Variants in INSR observed in about 807,000 individuals in gnomAD.
The protein encoded by INSR is insulin receptor, also known as IR.
A neutral mutation model predicts 142.6 loss-of-function variants in INSR; 67 were observed. The ratio of observed to expected loss-of-function variants is 0.47; its 90% CI spans 0.39 to 0.58. The LOEUF (loss-of-function observed/expected upper bound fraction) is 0.58, where lower values mean the gene tolerates loss of function less well. Among genes scored for constraint, INSR ranks in the 20% least tolerant of loss-of-function variants. The pLI, the probability that INSR is intolerant of heterozygous loss-of-function variation, is 0.00. For synonymous variants in INSR, 756 were observed against 743.1 expected (o/e 1.02, Z -0.28); for missense variants, 1,248 against 1,833.2 (o/e 0.68, Z 5.83).
chr19:7,271,531 T>G (rs1967926512), intron 1 of INSR, among the ~76,000 whole-genome samples: 1 of 151,894 alleles, frequency 6.6e-6, no homozygotes, highest in Non-Finnish European at 1.5e-5. Context: ...TGGTATCCTT[T>G]TGCATTCCTG....
intron 17 of INSR, chr19:7,123,238 G>A (rs1972539688): frequency 1.1e-5 from 5 of 473,038 alleles, no homozygotes; most frequent in Admixed American, 3.4e-5. Flanking sequence ...GCGTGATCTC[G>A]GCTCACTGCA....
chr19:7,158,425 C>T (rs529455080), intron 9 of INSR, among the ~76,000 whole-genome samples: 81 of 152,156 alleles, frequency 5.3e-4, no homozygotes, highest in African/African-American at 1.7e-3. Flanking sequence ...GGCGTGAACC[C>T]GGGAGGCGGA....
chr19:7,142,769 C>T (rs1349525140), intron 12 of INSR, 47 bp downstream of exon 12: 1 of 1,609,206 alleles, frequency 6.2e-7, no homozygotes, highest in Non-Finnish European at 8.5e-7. Context: ...CTTGGTCAGC[C>T]TTGATGTCCC....
intron 2 of INSR, among the ~76,000 whole-genome samples, chr19:7,241,109 T>A (rs1741947818): frequency 6.6e-6 from 1 of 151,968 alleles, no homozygotes; most frequent in Non-Finnish European, 1.5e-5. Flanking sequence ...CAAGGGAAGA[T>A]GACAAAGAGA....
chr19:7,153,442 ACAC>A (rs1480650804), intron 9 of INSR, among the ~76,000 whole-genome samples: 6 of 135,822 alleles, frequency 4.4e-5, no homozygotes, highest in African/African-American at 1.4e-4. Flanking sequence ...CAAATCACAC[ACAC>A]CACCACACCC....
Position 7,142,861 on chromosome 19 carries a change from G to A in INSR, c.2497C>T (p.Arg833Trp), listed in dbSNP as rs748957634. 29 of 1,613,988 alleles carry A rather than the reference G, an allele frequency of 1.8e-5. No homozygotes were observed. Among genetic ancestry groups the A allele is most frequent in the Non-Finnish European group, 2.3e-5 (27 of 1,180,042 alleles). Residue 833 changes from arginine to tryptophan, a missense_variant, in exon 12 of 22, where the codon CGG becomes TGG. This residue lies in a region of INSR where 1,069 missense variants were observed against 1,654.0 expected (regional missense o/e 0.65). Coordinates refer to ENST00000302850, the MANE Select transcript of INSR (RefSeq NM_000208.4). ...CTGACGTAGGCTGCCACACTGCACC[G>A]TTCCTCAGGGGTGTCCTGGTTGCAA... ...QACNQDTPEERCSVAAYVSAR... is the reference protein window; with the variant it reads ...QACNQDTPEEWCSVAAYVSAR...
intron 1 of INSR, among the ~76,000 whole-genome samples, chr19:7,277,060 T>A (rs1229927467): frequency 6.6e-6 from 1 of 152,050 alleles, no homozygotes; most frequent in Non-Finnish European, 1.5e-5. Flanking sequence ...GACAACAGCA[T>A]AATGAAACCT....
At chr19:7,250,899 AC>A (rs1976707579) in intron 2 of INSR, among the ~76,000 whole-genome samples, 1 of 151,982 alleles carries the variant, frequency 6.6e-6, no homozygotes, top group Non-Finnish European at 1.5e-5. Flanking sequence ...CCAGGAACGT[AC>A]GATCAGCAAC....
At chr19:7,152,988 CACACA>C in intron 9 of INSR, 61 bp from the exon 10 acceptor site, 1 of 862,198 alleles carries the variant, frequency 1.2e-6, no homozygotes, top group Non-Finnish European at 1.8e-6. Flanking sequence ...CATACACACA[CACACA>C]CACCCCACAC....
rs57665258 is a variant in INSR at position 7,136,828 on chromosome 19, C to CATATATATAT, written c.2683-4521_2683-4512dup. Among the ~76,000 whole-genome samples, 699 of 139,788 alleles carry CATATATATAT rather than the reference C, an allele frequency of 5.0e-3. 33 individuals carry two copies. Among genetic ancestry groups the CATATATATAT allele is most frequent in the African/African-American group, 0.019 (650 of 34,568 alleles). The allele number at this position is 139,788 out of a possible 152,430, so 91.7% of individuals were successfully genotyped here. On this transcript the variant is annotated intron_variant, in intron 13 of 21. Coordinates refer to ENST00000302850, the MANE Select transcript of INSR (RefSeq NM_000208.4). ...ATGTAAAACTTTATTTATTTATTTA[C>CATATATATAT]ATATATATATATATATATATTGAGA...
At chr19:7,190,529 G>A (rs1974553032) in intron 2 of INSR, among the ~76,000 whole-genome samples, 1 of 151,954 alleles carries the variant, frequency 6.6e-6, no homozygotes, top group Non-Finnish European at 1.5e-5. Flanking sequence ...CCGTCATCAC[G>A]CCCAGCTAAT....
Position 7,216,258 on chromosome 19 carries a change from A to T in INSR, c.653-31621T>A, listed in dbSNP as rs1444032916. Among the ~76,000 whole-genome samples, 1 of 152,222 alleles carries T rather than the reference A, an allele frequency of 6.6e-6. No individual in the cohort carries two copies. Among genetic ancestry groups the T allele is most frequent in the African/African-American group, 2.4e-5 (1 of 41,462 alleles). ...AGAATTGCTTAAACCCAGGAGGCAG[A>T]GGTTGCAGTGAGCTGAGATCGTGCC... On this transcript the variant is annotated intron_variant, in intron 2 of 21. Transcript: ENST00000302850. The surrounding 1 kb of genome is among the most constrained non-coding windows in gnomAD (Gnocchi z 4.2).
At chr19:7,213,880 G>A (rs1486476079) in intron 2 of INSR, among the ~76,000 whole-genome samples, 1 of 151,800 alleles carries the variant, frequency 6.6e-6, no homozygotes, top group Non-Finnish European at 1.5e-5. Context: ...TCTCAGCTAC[G>A]CGGGAGGGCT....
intron 2 of INSR, among the ~76,000 whole-genome samples, chr19:7,254,028 C>CAAAAAAAA (rs59085878): frequency 8.0e-6 from 1 of 125,174 alleles, no homozygotes; most frequent in African/African-American, 3.1e-5. Context: ...AACTCCATCT[C>CAAAAAAAA]AAAAAAAAAA....
Position 7,128,934 on chromosome 19 carries a change from C to T in INSR, c.2863G>A (p.Ala955Thr), listed in dbSNP as rs1165168818. 6 of 1,612,798 alleles carry T rather than the reference C, an allele frequency of 3.7e-6. No individual in the cohort carries two copies. Among genetic ancestry groups the T allele is most frequent in the South Asian group, 1.1e-5 (1 of 91,054 alleles). Residue 955 changes from alanine to threonine, a missense_variant, in exon 15 of 22, where the codon GCA (alanine) becomes ACA (threonine). Coordinates refer to ENST00000302850, the MANE Select transcript of INSR (RefSeq NM_000208.4). ...ATGAGGGGGCCGATGATAATTTTTGCAATATTTGACGGGACGTCTACTGAA... is the reference window on the plus strand; with the variant it reads ...ATGAGGGGGCCGATGATAATTTTTGTAATATTTGACGGGACGTCTACTGAA... The part of the protein sequence containing the change: ...TDYLDVPSNI[A>T]KIIIGPLIFV...
rs13306459 is a variant in INSR at position 7,174,546 on chromosome 19, CA to C, written c.1123+36del. 2.4e-4 allele frequency: 394 copies of C among 1,612,340 alleles called. No homozygotes were observed. The East Asian group carries it at 8.1e-3, about 33-fold the overall frequency. On this transcript the variant is annotated intron_variant, in intron 4 of 21. Coordinates refer to ENST00000302850, the MANE Select transcript of INSR (RefSeq NM_000208.4). Reference sequence around the variant, plus strand: ...TCACAGCTCAGAGGGACATGGAGCCCAACAGGCACCCCCGACGCCCACACAG... The same window carrying C: ...TCACAGCTCAGAGGGACATGGAGCCCACAGGCACCCCCGACGCCCACACAG...
chr19:7,203,293 G>C (rs1160870083), intron 2 of INSR, among the ~76,000 whole-genome samples: 1 of 152,066 alleles, frequency 6.6e-6, no homozygotes, highest in Non-Finnish European at 1.5e-5. Flanking sequence ...CCATGCAAAA[G>C]CTCTCCCTCT....
rs1189273495 is a variant in INSR, at chr19:7,176,692, A to G, written c.975-1961T>C. Among the ~76,000 whole-genome samples the G allele has an allele frequency of 2.6e-5, 4 of 152,002 alleles. No homozygotes were observed. In the East Asian group the frequency reaches 7.7e-4, roughly 29 times the overall value. ...GCCTACCTCCCCTTTGCTTTCCGCC[A>G]CGATTGTAAGTTTCCTGAGGTCTCC... On this transcript the variant is annotated intron_variant, in intron 3 of 21. Coordinates refer to ENST00000302850, the MANE Select transcript of INSR (RefSeq NM_000208.4).
intron 5 of INSR, among the ~76,000 whole-genome samples, chr19:7,171,062 C>T (rs1351553120): frequency 6.6e-6 from 1 of 152,100 alleles, no homozygotes; most frequent in African/African-American, 2.4e-5. Flanking sequence ...GGCACCTAAG[C>T]TGAGTTCAGG....
Sources: allele counts gnomAD v4.1 joint callset (sites outside exome capture counted in the v4.1 genomes callset), GRCh38; gene constraint gnomAD v4.1.1; regional missense constraint gnomAD v4.1.1; non-coding constraint Gnocchi (gnomAD v3.1); transcripts MANE v1.5; gene names NCBI Gene and HGNC (gene_info 2026-07-23, HGNC 2026-07-21).